Variants in RSPO4 observed in about 807,000 individuals in gnomAD.
RSPO4 encodes R-spondin-4.
RSPO4 carries 23 observed loss-of-function variants against 24.8 expected under a neutral mutation model. The observed-to-expected ratio is 0.93, with a 90% CI of 0.67 to 1.31. The LOEUF is 1.31. RSPO4 is among the 40% of genes most tolerant of loss of function. The probability of loss-of-function intolerance (pLI) is 0.00; values close to 1 mark genes in which losing one functional copy is unlikely to be tolerated. For missense variants in RSPO4, 333 were observed against 316.5 expected (o/e 1.05, Z -0.39); for synonymous variants, 141 against 127.4 (o/e 1.11, Z -0.72).
In RSPO4 at chr20:999,726, C is replaced by T. The variant is rs149281008; in HGVS notation, c.79+2360G>A. ...TTGCGGCCATATCCCTACCTCCTCA[C>T]TGAGCTCCTGGGGAGGTGGTGGTGA... On this transcript the variant is annotated intron_variant, in intron 1 of 4. Transcript: ENST00000217260. Among the ~76,000 whole-genome samples the T allele has an allele frequency of 1.2e-4, 19 of 152,238 alleles. 1 individual carries two copies. The East Asian group carries it at 2.1e-3, about 17-fold the overall frequency.
Position 959,587 on chromosome 20 carries a change from G to A in RSPO4, c.*770C>T, listed in dbSNP as rs1983918990. 6.6e-6 allele frequency: 1 copy of A among 152,478 alleles called. No individual in the cohort carries two copies. The allele number at this position is 152,478 out of a possible 1,614,324, so 9.4% of individuals were successfully genotyped here. A position where few individuals can be genotyped will look rare whatever the true frequency, so the allele number is the denominator to read the frequency against. ...ACCCATGAGAGGGAGGCCTGTGGGG[G>A]AGTGCCGATGAGGGTGGCAGGCAGC... is the stretch of plus-strand genomic sequence containing the variant. On this transcript the variant is annotated 3_prime_UTR_variant, in exon 5 of 5. Transcript: ENST00000217260.
chr20:987,205 C>T (rs6140878), intron 1 of RSPO4, among the ~76,000 whole-genome samples: 48,321 of 152,078 alleles, frequency 0.32, 12,049 homozygotes, highest in African/African-American at 0.69. Context: ...TGGGCTAGTG[C>T]ACAGCCTGGC....
chr20:996,049 G>A (rs967487091), intron 1 of RSPO4, among the ~76,000 whole-genome samples: 1 of 152,182 alleles, frequency 6.6e-6, no homozygotes, highest in East Asian at 1.9e-4. Context: ...GGCAAAAATC[G>A]CAGCCTCTGG....
At chr20:997,510 G>A (rs1010082162) in intron 1 of RSPO4, among the ~76,000 whole-genome samples, 1 of 152,158 alleles carries the variant, frequency 6.6e-6, no homozygotes, top group African/African-American at 2.4e-5. Flanking sequence ...AAGACTCAGC[G>A]CCATTCCCTC....
Position 981,808 on chromosome 20 carries a change from A to G in RSPO4, c.80-13670T>C, listed in dbSNP as rs1434684271. Among the ~76,000 whole-genome samples the G allele has an allele frequency of 1.3e-5, 2 of 152,150 alleles. No homozygotes were observed. The highest frequency in any genetic ancestry group is 3.9e-4 in the East Asian group (2 of 5,168). ...TAGAGAAGGCCTGAGCCCCTGCCCT[A>G]TGCTGGTCCTGCAGGGCTCGGCTGG... On this transcript the variant is annotated intron_variant, in intron 1 of 4. Transcript: ENST00000217260. This position sits in a 1 kb window ranked among gnomAD's most constrained non-coding sequence, Gnocchi z 4.6.
rs868848104 is a variant in RSPO4, at chr20:986,957, A to G, written c.79+15129T>C. Among the ~76,000 whole-genome samples the G allele has an allele frequency of 2.6e-5, 4 of 152,242 alleles. No individual in the cohort carries two copies. In the South Asian group the frequency reaches 8.3e-4, roughly 31 times the overall value. On this transcript the variant is annotated intron_variant, in intron 1 of 4. Coordinates refer to ENST00000217260, the MANE Select transcript of RSPO4 (RefSeq NM_001029871.4). The stretch of plus-strand genomic sequence containing the variant: ...CAAGAATGAAATACCACCATGACCT[A>G]CAAGATACGGAAACTGTAAAAGACT...
At chr20:989,369 T>C (rs1454415730) in intron 1 of RSPO4, among the ~76,000 whole-genome samples, 16 of 152,134 alleles carry the variant, frequency 1.1e-4, no homozygotes, top group Admixed American at 9.8e-4. Flanking sequence ...TATTAAAGAA[T>C]TGCTTGCAGG....
At chr20:988,882 A>G (rs1045748784) in intron 1 of RSPO4, among the ~76,000 whole-genome samples, 11 of 152,250 alleles carry the variant, frequency 7.2e-5, no homozygotes, top group African/African-American at 2.6e-4. Flanking sequence ...CTAGACCTAG[A>G]ATCCCATGAC....
intron 1 of RSPO4, among the ~76,000 whole-genome samples, chr20:989,082 C>T (rs1008290906): frequency 6.6e-6 from 1 of 152,172 alleles, no homozygotes; most frequent in African/African-American, 2.4e-5. Context: ...CCCCCATCTC[C>T]CAAGCTGGTG....
chr20:980,724 G>C (rs1376010057), intron 1 of RSPO4, among the ~76,000 whole-genome samples: 2 of 152,180 alleles, frequency 1.3e-5, no homozygotes, highest in African/African-American at 4.8e-5. Flanking sequence ...CACATTTGTT[G>C]ATTTCATGGC....
At chr20:968,166 G>A in intron 1 of RSPO4, 28 bp from the exon 2 acceptor site, 1 of 1,606,942 alleles carries the variant, frequency 6.2e-7, no homozygotes, top group Non-Finnish European at 8.5e-7. Flanking sequence ...GCAGAAGGAG[G>A]GGGAAAGGGA....
At chr20:1,001,970 G>A in intron 1 of RSPO4, 116 bp downstream of exon 1, 3 of 807,912 alleles carry the variant, frequency 3.7e-6, no homozygotes, top group East Asian at 5.7e-5. Flanking sequence ...GAGGAGCGAA[G>A]GACCCAGGGC....
chr20:988,297 T>C (rs1439802187), intron 1 of RSPO4, among the ~76,000 whole-genome samples: 1 of 152,158 alleles, frequency 6.6e-6, no homozygotes, highest in Non-Finnish European at 1.5e-5. Flanking sequence ...GAGGAGTGTC[T>C]GCCACCTTGA....
intron 1 of RSPO4, among the ~76,000 whole-genome samples, chr20:992,263 CT>C (rs35286852): frequency 0.071 from 8,773 of 123,338 alleles, 330 homozygotes; most frequent in African/African-American, 0.18. Flanking sequence ...GGTCCACTTT[CT>C]TTTTTTTTTT....
At chr20:988,552 T>C (rs372451364) in intron 1 of RSPO4, among the ~76,000 whole-genome samples, 2 of 152,152 alleles carry the variant, frequency 1.3e-5, no homozygotes, top group African/African-American at 4.8e-5. Context: ...GTTTTATTTA[T>C]GTATTTATTT....
chr20:973,932 T>C (rs1028994693), intron 1 of RSPO4, among the ~76,000 whole-genome samples: 1 of 152,196 alleles, frequency 6.6e-6, no homozygotes, highest in South Asian at 2.1e-4. Flanking sequence ...TGGCACCTCT[T>C]GCTTTTTGAC....
intron 3 of RSPO4, among the ~76,000 whole-genome samples, chr20:964,733 C>T (rs752721322): frequency 8.8e-5 from 13 of 147,546 alleles, no homozygotes; most frequent in East Asian, 2.0e-4. Flanking sequence ...CATATATATA[C>T]ACACACACAC....
At chr20:994,674 A>T (rs1422125423) in intron 1 of RSPO4, among the ~76,000 whole-genome samples, 1 of 131,618 alleles carries the variant, frequency 7.6e-6, no homozygotes, top group East Asian at 2.6e-4. Context: ...CTCATGCCTC[A>T]GCCTCCTGAG....
At chr20:982,741 G>A (rs1054441154) in intron 1 of RSPO4, among the ~76,000 whole-genome samples, 2 of 152,206 alleles carry the variant, frequency 1.3e-5, no homozygotes, top group African/African-American at 2.4e-5. Context: ...AAAGTGCCCT[G>A]AGGCCTGTGT....
Sources: allele counts gnomAD v4.1 joint callset (sites outside exome capture counted in the v4.1 genomes callset), GRCh38; gene constraint gnomAD v4.1.1; non-coding constraint Gnocchi (gnomAD v3.1); transcripts MANE v1.5; gene names NCBI Gene and HGNC (gene_info 2026-07-23, HGNC 2026-07-21).